XKRX: variants seen among roughly 807,000 people sequenced by gnomAD.
XKRX encodes XK related X-linked.
XKRX carries 11 observed loss-of-function variants against 22.4 expected under a neutral mutation model. That is an observed-to-expected ratio of 0.49 (90% confidence interval 0.31 to 0.81). The LOEUF is 0.81. Among genes scored for constraint, XKRX ranks in the 40% least tolerant of loss-of-function variants. The probability of loss-of-function intolerance (pLI) is 0.05; values close to 1 mark genes in which losing one functional copy is unlikely to be tolerated. For synonymous variants in XKRX, 114 were observed against 132.2 expected, an observed-to-expected ratio of 0.86 and a Z score of 0.94; for missense variants, 320 against 336.5, an observed-to-expected ratio of 0.95 and a Z score of 0.38.
intron 2 of XKRX, 109 bp downstream of exon 2, chrX:100,922,684 A>T: frequency 1.3e-6 from 1 of 782,299 alleles, no homozygotes; most frequent in Non-Finnish European, 1.8e-6. Flanking sequence ...ATTTAATTTT[A>T]AGTTAAATAG....
At chrX:100,920,598 A>G (rs915711694) in intron 2 of XKRX, among the ~76,000 whole-genome samples, 1 of 111,829 alleles carries the variant, frequency 8.9e-6, no homozygotes, top group Non-Finnish European at 1.9e-5. Flanking sequence ...GTAATGCATG[A>G]TCACAAAAAA....
the XKRX span, among the ~76,000 whole-genome samples, chrX:100,895,566 C>T: frequency 8.9e-6 from 1 of 111,833 alleles, no homozygotes; most frequent in Admixed American, 9.5e-5. Context: ...GCGAGAGCTC[C>T]AAGGAGACAC....
chrX:100,904,417 A>G, the XKRX span, among the ~76,000 whole-genome samples: 1 of 112,806 alleles, frequency 8.9e-6, no homozygotes, highest in African/African-American at 3.2e-5. Context: ...AACATAGGAG[A>G]AAATCTAGAT....
At chrX:100,904,333 C>G in the XKRX span, among the ~76,000 whole-genome samples, 1 of 111,588 alleles carries the variant, frequency 9.0e-6, no homozygotes, top group Non-Finnish European at 1.9e-5. Context: ...AGACCTTACA[C>G]CCTTCAAAAA....
At chrX:100,909,780 G>A (rs917576428), downstream of XKRX, among the ~76,000 whole-genome samples, 1 of 109,387 alleles carries the variant, frequency 9.1e-6, no homozygotes, top group Admixed American at 9.8e-5. Context: ...GCGGGTGCCT[G>A]TAATTCCAGC....
chrX:100,925,245 G>A (rs768792509), intron 1 of XKRX, among the ~76,000 whole-genome samples: 3 of 111,544 alleles, frequency 2.7e-5, no homozygotes, highest in Non-Finnish European at 5.6e-5. Flanking sequence ...TTTAAGTAAG[G>A]GTGTTTGTCC....
chrX:100,926,748 T>C (rs182353011), intron 1 of XKRX, among the ~76,000 whole-genome samples: 32 of 112,193 alleles, frequency 2.9e-4, no homozygotes, highest in African/African-American at 1.0e-3. Flanking sequence ...TTAAGTGCAT[T>C]CTTTCCACTT....
At chrX:100,911,152 G>A (rs2085405688), downstream of XKRX, 5 of 581,584 alleles carry the variant, frequency 8.6e-6, no homozygotes, top group Non-Finnish European at 1.6e-5. Context: ...CATGGAAGAG[G>A]ATGGTTACTA....
Position 100,922,806 on chromosome X carries a change from A to G in XKRX, c.591T>C (p.Val197=). 8.3e-7 allele frequency: 1 copy of G among 1,210,567 alleles called. No homozygotes were observed. The highest frequency in any genetic ancestry group is 1.7e-5 in the African/African-American group (1 of 57,698). ...GACCCCACTCACCTCTACCCAGGGG[A>G]ACCTCTGCAGAGATCAGGCTCACAT... ...QLYVSLISAE[V]PLGRVVLMVF... Residue 197 remains valine, a synonymous_variant, in exon 2 of 3, where the codon GTT becomes GTC. Transcript: ENST00000372956.
chrX:100,943,890 A>C, the XKRX span, among the ~76,000 whole-genome samples: 1 of 111,966 alleles, frequency 8.9e-6, no homozygotes. Flanking sequence ...TTCAATGGAC[A>C]TCTACATATA....
chrX:100,897,593 A>G, the XKRX span, among the ~76,000 whole-genome samples: 3,517 of 66,465 alleles, frequency 0.053, 128 homozygotes, highest in Non-Finnish European at 0.061. Context: ...AAATATATAT[A>G]TGTGTGTGTG....
At chrX:100,950,554 A>C in the XKRX span, among the ~76,000 whole-genome samples, 1 of 112,413 alleles carries the variant, frequency 8.9e-6, no homozygotes, top group African/African-American at 3.2e-5. Flanking sequence ...ACATTTACAG[A>C]ATATTTCACC....
chrX:100,944,559 C>A, the XKRX span, among the ~76,000 whole-genome samples: 2 of 111,679 alleles, frequency 1.8e-5, no homozygotes, highest in African/African-American at 6.5e-5. Flanking sequence ...GATGGGGTTT[C>A]ACCATGTTGG....
chrX:100,928,919 C>G (rs57910525), upstream of XKRX: 47 of 685,881 alleles, frequency 6.9e-5, no homozygotes, highest in Non-Finnish European at 8.1e-5. Flanking sequence ...GGACCTTTGC[C>G]GAGTCCAGGG....
At chrX:100,948,908 C>T in the XKRX span, among the ~76,000 whole-genome samples, 2 of 112,529 alleles carry the variant, frequency 1.8e-5, no homozygotes, top group Non-Finnish European at 3.8e-5. Flanking sequence ...ATTAGTGGGG[C>T]CATCCCTACC....
At chrX:100,939,505 C>A in the XKRX span, among the ~76,000 whole-genome samples, 1 of 111,812 alleles carries the variant, frequency 8.9e-6, no homozygotes, top group Non-Finnish European at 1.9e-5. Flanking sequence ...TTGCTTCAGG[C>A]AGCTGACAAT....
chrX:100,919,680 G>A (rs188744604), intron 2 of XKRX, among the ~76,000 whole-genome samples: 1 of 111,228 alleles, frequency 9.0e-6, no homozygotes, highest in East Asian at 2.8e-4. Context: ...CAAAGAAAGC[G>A]AATTATTTTA....
At chrX:100,944,213 T>C in the XKRX span, among the ~76,000 whole-genome samples, 1 of 112,011 alleles carries the variant, frequency 8.9e-6, no homozygotes, top group Admixed American at 9.5e-5. Flanking sequence ...TTTCATAGAT[T>C]TATCATCTGA....
chrX:100,891,682 G>A, the XKRX span, among the ~76,000 whole-genome samples: 6 of 106,409 alleles, frequency 5.6e-5, no homozygotes, highest in African/African-American at 2.1e-4. Context: ...CTTGAGCCCA[G>A]GAGTTTGAGA....
Sources: allele counts gnomAD v4.1 joint callset (sites outside exome capture counted in the v4.1 genomes callset), GRCh38; gene constraint gnomAD v4.1.1; transcripts MANE v1.5; gene names NCBI Gene and HGNC (gene_info 2026-07-23, HGNC 2026-07-21).